TTLL5: variants seen among roughly 807,000 people sequenced by gnomAD.
TTLL5 encodes tubulin polyglutamylase TTLL5.
A neutral mutation model predicts 168.4 loss-of-function variants in TTLL5; 132 were observed. That is an observed-to-expected ratio of 0.78 (90% confidence interval 0.68 to 0.91). The LOEUF is 0.91. Among genes scored for constraint, TTLL5 ranks in the 40% least tolerant of loss-of-function variants. The pLI, the probability that TTLL5 is intolerant of heterozygous loss-of-function variation, is 0.00. For synonymous variants in TTLL5, 546 were observed against 558.6 expected, an observed-to-expected ratio of 0.98 and a Z score of 0.32; for missense variants, 1,545 against 1,581.5, an observed-to-expected ratio of 0.98 and a Z score of 0.39.
intron 31 of TTLL5, among the ~76,000 whole-genome samples, chr14:75,952,338 G>T (rs1291963117): frequency 1.3e-5 from 2 of 152,158 alleles, no homozygotes; most frequent in Non-Finnish European, 2.9e-5. Context: ...GAAAAACACA[G>T]CAGTGTATCA....
In TTLL5 at chr14:75,821,199, A is replaced by G. The variant is rs192594308; in HGVS notation, c.3326+1038A>G. Among the ~76,000 whole-genome samples, 261 of 152,330 alleles carry G rather than the reference A, an allele frequency of 1.7e-3. 1 individual carries two copies. The highest frequency in any genetic ancestry group is 3.4e-3 in the Middle Eastern group (1 of 294). On this transcript the variant is annotated intron_variant, in intron 28 of 31. Transcript: ENST00000298832. ...CAGGAAGCAGCATAGATATAAGCAC[A>G]TTACATCATCCTGCGGTACGGTGTC...
intron 21 of TTLL5, 143 bp downstream of exon 21, chr14:75,771,997 T>G: frequency 1.1e-6 from 1 of 937,328 alleles, no homozygotes; most frequent in African/African-American, 1.7e-5. Context: ...AGATTTCTTA[T>G]AAATCTATAC....
intron 28 of TTLL5, among the ~76,000 whole-genome samples, chr14:75,859,621 A>C (rs1897306505): frequency 6.6e-6 from 1 of 152,186 alleles, no homozygotes; most frequent in Admixed American, 6.5e-5. Flanking sequence ...AAAAACACTA[A>C]ATTTTGGAGA....
chr14:75,840,709 C>A (rs1896179224), intron 28 of TTLL5, among the ~76,000 whole-genome samples: 1 of 152,106 alleles, frequency 6.6e-6, no homozygotes, highest in South Asian at 2.1e-4. Context: ...AAATGGGAAT[C>A]CCTTGCCTTT....
intron 5 of TTLL5, among the ~76,000 whole-genome samples, chr14:75,685,484 G>A (rs986625057): frequency 2.8e-4 from 43 of 151,740 alleles, no homozygotes; most frequent in African/African-American, 1.0e-3. Flanking sequence ...AATCTTACAT[G>A]CTAGCTTAAA....
chr14:75,763,064 C>T (rs1038775682), intron 18 of TTLL5, among the ~76,000 whole-genome samples: 1 of 151,780 alleles, frequency 6.6e-6, no homozygotes, highest in African/African-American at 2.4e-5. Flanking sequence ...ATAATGATGT[C>T]GGTGTTAAGC....
chr14:75,895,909 A>G (rs769515556), intron 30 of TTLL5, among the ~76,000 whole-genome samples: 7 of 152,210 alleles, frequency 4.6e-5, no homozygotes, highest in Non-Finnish European at 8.8e-5. Context: ...TACTTGTTGA[A>G]GGAACGAATG....
intron 5 of TTLL5, chr14:75,689,877 G>A (rs1885323819): frequency 1.2e-5 from 3 of 259,220 alleles, no homozygotes; most frequent in Non-Finnish European, 2.2e-5. Context: ...TTTTTGGGAT[G>A]TTGAAACTGT....
At chr14:75,930,061 G>A (rs138473500) in intron 31 of TTLL5, among the ~76,000 whole-genome samples, 2 of 152,184 alleles carry the variant, frequency 1.3e-5, no homozygotes. Flanking sequence ...CTAGAGTTGC[G>A]ACAAAGTTTC....
intron 29 of TTLL5, among the ~76,000 whole-genome samples, chr14:75,864,807 T>G (rs2030372129): frequency 1.3e-5 from 2 of 152,226 alleles, no homozygotes; most frequent in Admixed American, 1.3e-4. Flanking sequence ...AAAAATGTAG[T>G]ACATAGTGTG....
chr14:75,929,449 T>TTTC (rs2034199503), intron 31 of TTLL5, among the ~76,000 whole-genome samples: 1 of 142,712 alleles, frequency 7.0e-6, no homozygotes, highest in Admixed American at 6.9e-5. Context: ...AAAGATACCT[T>TTTC]TTTTTTTTTT....
chr14:75,807,084 A>G (rs991688003), intron 27 of TTLL5, among the ~76,000 whole-genome samples: 1 of 152,194 alleles, frequency 6.6e-6, no homozygotes, highest in Non-Finnish European at 1.5e-5. Flanking sequence ...TTCACTTGGC[A>G]GTCATCACAT....
intron 31 of TTLL5, among the ~76,000 whole-genome samples, chr14:75,936,111 C>T (rs1449796506): frequency 6.6e-6 from 1 of 152,042 alleles, no homozygotes; most frequent in Non-Finnish European, 1.5e-5. Flanking sequence ...TTATTGAGCA[C>T]CTGCTGTATC....
chr14:75,669,629 G>A, intron 3 of TTLL5, 107 bp downstream of exon 3: 1 of 791,342 alleles, frequency 1.3e-6, no homozygotes, highest in East Asian at 2.8e-5. Context: ...TTGGCCATGA[G>A]AAAAATCAAT....
intron 28 of TTLL5, chr14:75,838,045 T>A (rs933127354): frequency 2.6e-4 from 39 of 152,198 alleles, no homozygotes; most frequent in African/African-American, 9.4e-4. Flanking sequence ...TGCCCAGAAG[T>A]TAAATTGCTG....
chr14:75,779,842 G>A (rs2140325133), intron 24 of TTLL5, 140 bp downstream of exon 24: 1 of 753,592 alleles, frequency 1.3e-6, no homozygotes, highest in South Asian at 3.3e-5. Flanking sequence ...GGGAGGGAGT[G>A]GAGAATGGGG....
At chr14:75,779,775 G>C in intron 24 of TTLL5, 73 bp downstream of exon 24, 4 of 1,479,000 alleles carry the variant, frequency 2.7e-6, no homozygotes, top group South Asian at 1.3e-5. Context: ...GGAGAATGAG[G>C]AATAATGTGT....
intron 5 of TTLL5, among the ~76,000 whole-genome samples, chr14:75,686,194 C>T (rs1885033269): frequency 6.6e-6 from 1 of 152,166 alleles, no homozygotes; most frequent in African/African-American, 2.4e-5. Context: ...TGGAACAAAT[C>T]ATAGATCAAT....
In TTLL5 at chr14:75,745,106, ACT is replaced by A. The variant is rs767236220; in HGVS notation, c.1298_1299del (p.Ser433CysfsTer3). 1.2e-6 allele frequency: 2 copies of A among 1,613,634 alleles called. No homozygotes were observed. On this transcript the variant is annotated frameshift_variant, in exon 16 of 32. Coordinates refer to ENST00000298832, the MANE Select transcript of TTLL5 (RefSeq NM_015072.5). LOFTEE classifies it high-confidence loss of function. ...TTTCTTCTCCTTAGCGTTGCCGTCC[ACT>A]CTCTGCCAGTGATGCGGAAATGAAA... is the stretch of plus-strand genomic sequence containing the variant. ...PFQKPQRCRPLSASDAEMKNL... is the reference protein window; with the variant it reads ...PFQKPQRCRPXSASDAEMKNL...
Sources: allele counts gnomAD v4.1 joint callset (sites outside exome capture counted in the v4.1 genomes callset), GRCh38; gene constraint gnomAD v4.1.1; transcripts MANE v1.5; gene names NCBI Gene and HGNC (gene_info 2026-07-23, HGNC 2026-07-21).